Variants in KSR2 observed in about 807,000 individuals in gnomAD.
KSR2 encodes kinase suppressor of ras 2.
A neutral mutation model predicts 107.8 loss-of-function variants in KSR2; 25 were observed. The observed-to-expected ratio is 0.23, with a 90% CI of 0.17 to 0.32. The LOEUF is 0.32. Among genes scored for constraint, KSR2 ranks in the 10% least tolerant of loss-of-function variants. The pLI, the probability that KSR2 is intolerant of heterozygous loss-of-function variation, is 1.00. For missense variants in KSR2, 887 were observed against 1,268.9 expected (o/e 0.70, Z 4.57); for synonymous variants, 480 against 507.0 (o/e 0.95, Z 0.71).
chr12:117,623,985 G>T (rs1297892434), intron 5 of KSR2, among the ~76,000 whole-genome samples: 1 of 152,216 alleles, frequency 6.6e-6, no homozygotes, highest in African/African-American at 2.4e-5. Context: ...GGCCAGTGAT[G>T]ATGAGCATTT....
intron 7 of KSR2, among the ~76,000 whole-genome samples, chr12:117,570,346 C>G (rs1487425433): frequency 6.6e-6 from 1 of 152,116 alleles, no homozygotes; most frequent in Non-Finnish European, 1.5e-5. Flanking sequence ...CTACTGGCAT[C>G]TAGTGGGTAG....
rs147760953 is a variant in KSR2 at position 117,816,290 on chromosome 12, C to T, written c.472+39138G>A. 1.6e-3 allele frequency among the ~76,000 whole-genome samples: 237 copies of T among 152,248 alleles called. 1 individual carries two copies. The highest frequency in any genetic ancestry group is 5.4e-3 in the African/African-American group (224 of 41,556). On this transcript the variant is annotated intron_variant, in intron 3 of 19. Transcript: ENST00000339824. ...AAGCAGCCACCTGGAGTTCTGCAGA[C>T]GGCCCCAGCTGAGGCTTTAGCCAGT...
chr12:117,894,574 T>G (rs1894447811), intron 1 of KSR2, among the ~76,000 whole-genome samples: 1 of 152,166 alleles, frequency 6.6e-6, no homozygotes, highest in Non-Finnish European at 1.5e-5. Context: ...CATGTCAAAC[T>G]GTAATCCCCA....
In KSR2 at chr12:117,575,041, T is replaced by C. The variant is rs564866141; in HGVS notation, c.1325+4078A>G. On this transcript the variant is annotated intron_variant, in intron 7 of 19. Transcript: ENST00000339824. ...CAGGTATGAGACCATCCCTCACCACTTGAATTGAAACTGCAGCCCCCATCC... is the reference window on the plus strand; with the variant it reads ...CAGGTATGAGACCATCCCTCACCACCTGAATTGAAACTGCAGCCCCCATCC... 1.5e-3 allele frequency among the ~76,000 whole-genome samples: 230 copies of C among 152,294 alleles called. 2 individuals are homozygous for C. The highest frequency in any genetic ancestry group is 5.0e-3 in the African/African-American group (208 of 41,570).
chr12:117,924,273 GA>G (rs1345203146), intron 1 of KSR2, among the ~76,000 whole-genome samples: 45 of 150,760 alleles, frequency 3.0e-4, no homozygotes, highest in African/African-American at 8.8e-4. Flanking sequence ...TAACTATATA[GA>G]AAAAAAATTT....
intron 14 of KSR2, among the ~76,000 whole-genome samples, chr12:117,501,119 A>T (rs1008088600): frequency 1.3e-5 from 2 of 152,268 alleles, no homozygotes; most frequent in Non-Finnish European, 2.9e-5. Flanking sequence ...TGGTTGAAAC[A>T]ATTTCAAAAG....
intron 4 of KSR2, among the ~76,000 whole-genome samples, chr12:117,700,604 A>G (rs1031182546): frequency 5.3e-5 from 8 of 152,224 alleles, no homozygotes; most frequent in Non-Finnish European, 1.0e-4. Context: ...TGCTTCACGG[A>G]TGCTACGGAG....
At chr12:117,519,576 G>A (rs1263056847) in intron 14 of KSR2, among the ~76,000 whole-genome samples, 1 of 152,114 alleles carries the variant, frequency 6.6e-6, no homozygotes, top group Non-Finnish European at 1.5e-5. Flanking sequence ...GGGGTGACGT[G>A]GGGGCTTCTG....
At chr12:117,496,242 C>G (rs1048904693) in intron 14 of KSR2, among the ~76,000 whole-genome samples, 2 of 152,088 alleles carry the variant, frequency 1.3e-5, no homozygotes, top group Admixed American at 1.3e-4. Flanking sequence ...TATTCCCACC[C>G]CACAGGCAGC....
intron 3 of KSR2, among the ~76,000 whole-genome samples, chr12:117,825,604 C>T (rs1891714466): frequency 6.6e-6 from 1 of 152,110 alleles, no homozygotes; most frequent in South Asian, 2.1e-4. Flanking sequence ...TAACATGGCT[C>T]CCTCACTATT....
chr12:117,622,213 T>C (rs1284323730), intron 5 of KSR2, among the ~76,000 whole-genome samples: 1 of 152,096 alleles, frequency 6.6e-6, no homozygotes, highest in East Asian at 1.9e-4. Flanking sequence ...TTAAGTATGG[T>C]GGAAAACTGC....
At chr12:117,595,351 C>CTTTTTTTTTTTTTTTTTTTTTTTTTTTT (rs71099060) in intron 5 of KSR2, among the ~76,000 whole-genome samples, 2 of 94,584 alleles carry the variant, frequency 2.1e-5, no homozygotes, top group African/African-American at 4.3e-5. Context: ...AGATCAAATT[C>CTTTTTTTTTTTTTTTTTTTTTTTTTTTT]TTTTTTTTTT....
chr12:117,666,084 G>T (rs551102846), intron 5 of KSR2, among the ~76,000 whole-genome samples: 3 of 152,246 alleles, frequency 2.0e-5, no homozygotes, highest in Admixed American at 6.5e-5. Context: ...TACTATTTTA[G>T]TTTGCTTGAT....
At chr12:117,711,011 C>A (rs535394935) in intron 4 of KSR2, among the ~76,000 whole-genome samples, 3 of 152,180 alleles carry the variant, frequency 2.0e-5, no homozygotes, top group South Asian at 4.1e-4. Flanking sequence ...ATCAGAGACA[C>A]CATCTCCAAC....
intron 5 of KSR2, among the ~76,000 whole-genome samples, chr12:117,595,358 T>C (rs942202575): frequency 9.1e-5 from 12 of 132,386 alleles, no homozygotes; most frequent in Non-Finnish European, 1.4e-4. Context: ...ATTCTTTTTT[T>C]TTTTTTTTTT....
intron 7 of KSR2, among the ~76,000 whole-genome samples, chr12:117,565,016 G>GTCCC (rs1878374846): frequency 6.6e-6 from 1 of 152,150 alleles, no homozygotes. Flanking sequence ...AAGCAAACTG[G>GTCCC]ATCTCCATGG....
At chr12:117,835,137 G>T (rs1892147826) in intron 3 of KSR2, among the ~76,000 whole-genome samples, 1 of 152,174 alleles carries the variant, frequency 6.6e-6, no homozygotes, top group Admixed American at 6.5e-5. Context: ...GCTGACCCAG[G>T]CTCCCATAAC....
At chr12:117,715,137 A>C (rs1886929600) in intron 4 of KSR2, among the ~76,000 whole-genome samples, 1 of 152,194 alleles carries the variant, frequency 6.6e-6, no homozygotes, top group East Asian at 1.9e-4. Context: ...CCACAGTGGC[A>C]AAAGAGACAC....
At chr12:117,597,574 G>C (rs1298859574) in intron 5 of KSR2, among the ~76,000 whole-genome samples, 1 of 152,174 alleles carries the variant, frequency 6.6e-6, no homozygotes, top group Non-Finnish European at 1.5e-5. Flanking sequence ...CTTCCGGAGA[G>C]CCTCTACAAG....
Sources: allele counts gnomAD v4.1 joint callset (sites outside exome capture counted in the v4.1 genomes callset), GRCh38; gene constraint gnomAD v4.1.1; transcripts MANE v1.5; gene names NCBI Gene and HGNC (gene_info 2026-07-23, HGNC 2026-07-21).